Variants in PITX3 observed in about 807,000 individuals in gnomAD.
The protein encoded by PITX3 is paired like homeodomain 3, also known as pituitary homeobox 3.
PITX3 carries 4 observed loss-of-function variants against 14.2 expected under a neutral mutation model. The ratio of observed to expected loss-of-function variants is 0.28; its 90% CI spans 0.14 to 0.65. PITX3 has a LOEUF of 0.65. PITX3 is among the 30% of genes least tolerant of loss of function. The pLI is 0.82. For missense variants in PITX3, 358 were observed against 426.8 expected (o/e 0.84, Z 1.42); for synonymous variants, 194 against 204.5 (o/e 0.95, Z 0.44).
intron 1 of PITX3, among the ~76,000 whole-genome samples, chr10:102,239,538 A>G (rs1485801955): frequency 2.0e-5 from 3 of 152,254 alleles, no homozygotes; most frequent in African/African-American, 7.2e-5. Context: ...AATGAAAAAC[A>G]AAAGTTGAGA....
chr10:102,232,717 G>A (rs753723563), intron 1 of PITX3, among the ~76,000 whole-genome samples: 3 of 152,072 alleles, frequency 2.0e-5, no homozygotes, highest in East Asian at 1.9e-4. Flanking sequence ...ACTATAGCAC[G>A]CTACATACCC....
chr10:102,233,928 G>T (rs937267943), intron 1 of PITX3, among the ~76,000 whole-genome samples: 2 of 152,174 alleles, frequency 1.3e-5, no homozygotes, highest in Non-Finnish European at 2.9e-5. Flanking sequence ...GGACCCCTCT[G>T]CTGCGAGGAA....
Position 102,230,959 on chromosome 10 carries a change from T to C in PITX3, c.464A>G (p.Asn155Ser), listed in dbSNP as rs753420596. 4 of 1,608,212 alleles carry C rather than the reference T, an allele frequency of 2.5e-6. No individual in the cohort carries two copies. The highest frequency in any genetic ancestry group is 1.7e-5 in the Admixed American group (1 of 59,578). The change falls in exon 4 of 4, where the codon AAC (asparagine) becomes AGC (serine). Residue 155 changes from asparagine to serine, a missense_variant. Asn to Ser is a conservative substitution (Grantham distance 46). Transcript: ENST00000370002. ...EEVYPGYSYG[N>S]WPPKALAPPL... ...CGGGGCAAGAGCCTTGGGCGGCCAG[T>C]TGCCGTACGAGTAGCCGGGGTACAC...
chr10:102,231,413 G>A (rs2133797003), intron 3 of PITX3, among the ~76,000 whole-genome samples, 175 bp downstream of exon 3: 1 of 152,244 alleles, frequency 6.6e-6, no homozygotes, highest in East Asian at 1.9e-4. Flanking sequence ...GGAGCAGTGG[G>A]AGCAGAGGCT....
At chr10:102,231,532 G>T (rs933258397) in intron 3 of PITX3, 56 bp downstream of exon 3, 33 of 1,213,202 alleles carry the variant, frequency 2.7e-5, no homozygotes, top group South Asian at 7.8e-5. Context: ...CCTCCGGGTC[G>T]CAGGCTGAGC....
At chr10:102,240,348 C>G (rs771573997) in intron 1 of PITX3, among the ~76,000 whole-genome samples, 4 of 152,238 alleles carry the variant, frequency 2.6e-5, no homozygotes, top group Non-Finnish European at 5.9e-5. Flanking sequence ...ATGCTCTGAT[C>G]TATTCTGAAT....
At chr10:102,234,537 A>T (rs1032629459) in intron 1 of PITX3, among the ~76,000 whole-genome samples, 5 of 152,056 alleles carry the variant, frequency 3.3e-5, no homozygotes, top group African/African-American at 1.2e-4. Context: ...TGGAAGGGAG[A>T]TGTCCCTGAG....
intron 1 of PITX3, among the ~76,000 whole-genome samples, chr10:102,237,819 C>T (rs1206682901): frequency 2.0e-5 from 3 of 151,938 alleles, no homozygotes; most frequent in African/African-American, 7.3e-5. Context: ...TATCACCACA[C>T]CAGGAAGATG....
Position 102,230,410 on chromosome 10 carries a change from C to T in PITX3, c.*104G>A, listed in dbSNP as rs1223913649. On this transcript the variant is annotated 3_prime_UTR_variant, in exon 4 of 4. Coordinates refer to ENST00000370002, the MANE Select transcript of PITX3 (RefSeq NM_005029.4). Reference sequence around the variant, plus strand: ...GTGCCCCCCAGCTGCCCAAACACCCCTTTCAGACCCTGGGGCGGGAGCAAG... The same window carrying T: ...GTGCCCCCCAGCTGCCCAAACACCCTTTTCAGACCCTGGGGCGGGAGCAAG... 7 of 1,496,370 alleles carry T rather than the reference C, an allele frequency of 4.7e-6. No individual in the cohort carries two copies. Among genetic ancestry groups the T allele is most frequent in the African/African-American group, 4.2e-5 (3 of 72,164 alleles). 92.7% of individuals were successfully genotyped at this position (1,496,370 alleles called of 1,614,324 possible). A position where few individuals can be genotyped will look rare whatever the true frequency, so the allele number is the denominator to read the frequency against.
At chr10:102,236,341 CAG>C (rs1227152901) in intron 1 of PITX3, among the ~76,000 whole-genome samples, 3 of 152,198 alleles carry the variant, frequency 2.0e-5, no homozygotes, top group Admixed American at 6.5e-5. Context: ...CAGGCAGGGA[CAG>C]AGAGAGTCAG....
Position 102,230,523 on chromosome 10 carries a change from C to T in PITX3, c.900G>A (p.Arg300=), listed in dbSNP as rs1340155576. 3.7e-6 allele frequency: 6 copies of T among 1,608,880 alleles called. No homozygotes were observed. In the Admixed American group the frequency reaches 5.0e-5, roughly 13 times the overall value. ...NLSPCQYAVE[R]PV ...CTACGGGCGGGGCCGCTCATACGGG[C>T]CTTTCCACGGCGTACTGGCACGGAC... Residue 300 remains arginine, a synonymous_variant, in exon 4 of 4, where the codon AGG becomes AGA. Transcript: ENST00000370002.
rs2070337745 is a variant in PITX3, at chr10:102,234,660, C to T, written c.-12-2568G>A. 2.6e-5 allele frequency among the ~76,000 whole-genome samples: 4 copies of T among 152,004 alleles called. No homozygotes were observed. In the South Asian group the frequency reaches 6.2e-4, roughly 24 times the overall value. ...TTACTTCATACCCCTTACTTCATAC[C>T]CAAGATGCCCTTGAAATGCAAATCA... On this transcript the variant is annotated intron_variant, in intron 1 of 3. Coordinates refer to ENST00000370002, the MANE Select transcript of PITX3 (RefSeq NM_005029.4).
At chr10:102,231,912 A>G (rs2070253164) in intron 2 of PITX3, 51 bp downstream of exon 2, 2 of 1,554,492 alleles carry the variant, frequency 1.3e-6, no homozygotes, top group Non-Finnish European at 8.8e-7. Context: ...TCCCACCCGC[A>G]CTGGGGATGA....
In PITX3 at chr10:102,230,520, G is replaced by T; in HGVS notation, c.903C>A (p.Pro301=). ...LSPCQYAVER[P]V is the part of the protein sequence containing the mutation. ...GATCTACGGGCGGGGCCGCTCATAC[G>T]GGCCTTTCCACGGCGTACTGGCACG... The change falls in exon 4 of 4, where the codon CCC becomes CCA. Residue 301 remains proline, a synonymous_variant. Transcript: ENST00000370002. The T allele has an allele frequency of 6.2e-7, 1 of 1,608,168 alleles. No individual in the cohort carries two copies.
chr10:102,232,898 G>C (rs1010034603), intron 1 of PITX3, among the ~76,000 whole-genome samples: 2 of 152,108 alleles, frequency 1.3e-5, no homozygotes, highest in African/African-American at 4.8e-5. Flanking sequence ...TCTCCCTTAA[G>C]AATAATGTAT....
At chr10:102,234,846 T>A (rs2070343035) in intron 1 of PITX3, among the ~76,000 whole-genome samples, 1 of 152,148 alleles carries the variant, frequency 6.6e-6, no homozygotes, top group African/African-American at 2.4e-5. Flanking sequence ...GTCCCCGGCA[T>A]TCCATACCTG....
intron 1 of PITX3, 36 bp from the exon 2 acceptor site, chr10:102,232,128 G>T (rs1419765646): frequency 4.2e-6 from 5 of 1,199,266 alleles, no homozygotes; most frequent in Non-Finnish European, 6.0e-6. Context: ...AGGGTAATGG[G>T]GGTAAAATCT....
Position 102,230,426 on chromosome 10 carries a change from C to A in PITX3, c.*88G>T, listed in dbSNP as rs1221366618. 1 of 1,515,342 alleles carries A rather than the reference C, an allele frequency of 6.6e-7. No homozygotes were observed. The highest frequency in any genetic ancestry group is 1.3e-5 in the South Asian group (1 of 79,300). 93.9% of individuals were successfully genotyped at this position (1,515,342 alleles called of 1,614,324 possible). ...CAAACACCCCTTTCAGACCCTGGGG[C>A]GGGAGCAAGCCAGTCAAAATGACCC... On this transcript the variant is annotated 3_prime_UTR_variant, in exon 4 of 4. Coordinates refer to ENST00000370002, the MANE Select transcript of PITX3 (RefSeq NM_005029.4).
At chr10:102,235,907 C>G (rs901866892) in intron 1 of PITX3, among the ~76,000 whole-genome samples, 5 of 152,206 alleles carry the variant, frequency 3.3e-5, no homozygotes. Flanking sequence ...GGCAGAGTAA[C>G]CCAAGCTGGG....
Sources: allele counts gnomAD v4.1 joint callset (sites outside exome capture counted in the v4.1 genomes callset), GRCh38; gene constraint gnomAD v4.1.1; transcripts MANE v1.5; gene names NCBI Gene and HGNC (gene_info 2026-07-23, HGNC 2026-07-21).